The following OPCML variants were observed in gnomAD, a reference collection of about 807,000 sequenced individuals.
OPCML encodes the protein opioid binding protein/cell adhesion molecule like.
A neutral mutation model predicts 37.8 loss-of-function variants in OPCML; 13 were observed. The ratio of observed to expected loss-of-function variants is 0.34; its 90% CI spans 0.22 to 0.55. OPCML has a LOEUF of 0.55. Ranked by LOEUF, OPCML falls within the 20% of genes least tolerant of loss-of-function variation. The pLI is 0.91. For missense variants in OPCML, 341 were observed against 435.6 expected, an observed-to-expected ratio of 0.78 and a Z score of 1.93; for synonymous variants, 176 against 168.8, an observed-to-expected ratio of 1.04 and a Z score of -0.33.
chr11:133,189,671 T>A (rs1005930056), intron 1 of OPCML, among the ~76,000 whole-genome samples: 18 of 152,256 alleles, frequency 1.2e-4, no homozygotes, highest in Admixed American at 1.1e-3. Context: ...TATATGAAAC[T>A]CCCTCCTAAA....
At chr11:132,866,695 TACAG>T (rs1214563919) in intron 2 of OPCML, among the ~76,000 whole-genome samples, 3 of 152,230 alleles carry the variant, frequency 2.0e-5, no homozygotes, top group African/African-American at 4.8e-5. Flanking sequence ...TTTTCGAATA[TACAG>T]ACAATTTTCA....
chr11:132,685,237 G>A (rs1211440415), intron 2 of OPCML, among the ~76,000 whole-genome samples: 1 of 152,130 alleles, frequency 6.6e-6, no homozygotes, highest in Non-Finnish European at 1.5e-5. Context: ...TGTGGTCATT[G>A]GAATAGCTTT....
At chr11:133,031,192 T>G (rs7483004) in intron 1 of OPCML, among the ~76,000 whole-genome samples, 1 of 151,990 alleles carries the variant, frequency 6.6e-6, no homozygotes, top group Non-Finnish European at 1.5e-5. Flanking sequence ...CATAGGTGAA[T>G]GAATGGATGG....
intron 1 of OPCML, among the ~76,000 whole-genome samples, chr11:133,072,776 C>A (rs1948558349): frequency 6.6e-6 from 1 of 152,234 alleles, no homozygotes; most frequent in Non-Finnish European, 1.5e-5. Context: ...CACCACTGCA[C>A]ATCTCTCCAT....
At chr11:133,388,987 C>T (rs1440798596) in intron 1 of OPCML, among the ~76,000 whole-genome samples, 1 of 152,168 alleles carries the variant, frequency 6.6e-6, no homozygotes, top group Non-Finnish European at 1.5e-5. Flanking sequence ...GAAACTGAGG[C>T]ACACAGGTTA....
intron 4 of OPCML, among the ~76,000 whole-genome samples, chr11:132,516,595 T>C (rs1183105021): frequency 6.6e-6 from 1 of 152,142 alleles, no homozygotes; most frequent in Non-Finnish European, 1.5e-5. Flanking sequence ...CAAGGGATAC[T>C]TTCTGGCCAG....
chr11:132,473,118 C>T (rs1030359954), intron 4 of OPCML, among the ~76,000 whole-genome samples: 1 of 152,216 alleles, frequency 6.6e-6, no homozygotes, highest in African/African-American at 2.4e-5. Context: ...TCAGTCAACT[C>T]TTCCATTAAG....
At chr11:132,552,334 G>T (rs542969850) in intron 3 of OPCML, among the ~76,000 whole-genome samples, 1 of 152,130 alleles carries the variant, frequency 6.6e-6, no homozygotes, top group Non-Finnish European at 1.5e-5. Context: ...CTTTGCCACC[G>T]GAGAAGGAAA....
intron 1 of OPCML, among the ~76,000 whole-genome samples, chr11:132,977,887 A>T (rs1006113186): frequency 6.6e-6 from 1 of 152,172 alleles, no homozygotes; most frequent in Non-Finnish European, 1.5e-5. Context: ...TTATGATCTC[A>T]TTGGAGAGAT....
chr11:132,563,944 C>T (rs2096416393), intron 3 of OPCML, among the ~76,000 whole-genome samples: 2 of 152,130 alleles, frequency 1.3e-5, no homozygotes, highest in Admixed American at 1.3e-4. Flanking sequence ...TCCAGATAGC[C>T]ATGCCCTGGA....
intron 1 of OPCML, among the ~76,000 whole-genome samples, chr11:133,493,913 A>T (rs1484046131): frequency 6.6e-6 from 1 of 152,070 alleles, no homozygotes; most frequent in African/African-American, 2.4e-5. Context: ...CTACCATCAG[A>T]GTGAACAGGC....
chr11:133,073,625 G>A (rs1008886457), intron 1 of OPCML, among the ~76,000 whole-genome samples: 9 of 152,194 alleles, frequency 5.9e-5, no homozygotes, highest in Admixed American at 1.3e-4. Context: ...AGTTCTCCAC[G>A]TGCAGACCTG....
intron 1 of OPCML, among the ~76,000 whole-genome samples, chr11:133,502,826 A>G (rs1947945488): frequency 6.6e-6 from 1 of 152,142 alleles, no homozygotes; most frequent in Non-Finnish European, 1.5e-5. Flanking sequence ...TGGTAATGGC[A>G]ACACTTGAGC....
rs1463148877 is a variant in OPCML, at chr11:132,657,232, G to T, written c.234C>A (p.Asp78Glu). The T allele has an allele frequency of 1.2e-6, 2 of 1,614,248 alleles. No individual in the cohort carries two copies. Among genetic ancestry groups the T allele is most frequent in the Non-Finnish European group, 1.7e-6 (2 of 1,180,046 alleles). The change falls in exon 3 of 8, where the codon GAC becomes GAA. Residue 78 changes from aspartate to glutamate, a missense_variant. Coordinates refer to ENST00000524381, the MANE Select transcript of OPCML (RefSeq NM_001012393.5). ...LYAGNDKWSI[D>E]PRVIILVNTP... The stretch of plus-strand genomic sequence containing the variant: ...TATTGACCAGGATGATCACACGAGG[G>T]TCTATGGACCACTTGTCATTCCCAG...
intron 1 of OPCML, among the ~76,000 whole-genome samples, chr11:133,011,988 T>G (rs753632832): frequency 6.6e-6 from 1 of 152,206 alleles, no homozygotes; most frequent in Non-Finnish European, 1.5e-5. Context: ...TATAGTCTTA[T>G]TTACAAAACA....
At chr11:133,268,071 T>C (rs948651187) in intron 1 of OPCML, among the ~76,000 whole-genome samples, 1 of 152,212 alleles carries the variant, frequency 6.6e-6, no homozygotes, top group African/African-American at 2.4e-5. Context: ...GATGTAACAA[T>C]GGCCCTGACT....
intron 2 of OPCML, among the ~76,000 whole-genome samples, chr11:132,745,623 T>G (rs1336685995): frequency 6.8e-6 from 1 of 148,032 alleles, no homozygotes; most frequent in African/African-American, 2.5e-5. Context: ...AGGACAATGG[T>G]CTTAAGCTTT....
intron 2 of OPCML, among the ~76,000 whole-genome samples, chr11:132,733,856 T>C (rs543728098): frequency 6.6e-6 from 1 of 152,078 alleles, no homozygotes; most frequent in Non-Finnish European, 1.5e-5. Context: ...ATCTCTAAAG[T>C]TGAAGGCAGG....
chr11:133,280,739 A>G (rs532352967), intron 1 of OPCML, among the ~76,000 whole-genome samples: 2 of 152,362 alleles, frequency 1.3e-5, no homozygotes, highest in South Asian at 4.1e-4. Flanking sequence ...CTGGTTGCAT[A>G]AAAACAATGA....
Sources: allele counts gnomAD v4.1 joint callset (sites outside exome capture counted in the v4.1 genomes callset), GRCh38; gene constraint gnomAD v4.1.1; transcripts MANE v1.5; gene names NCBI Gene and HGNC (gene_info 2026-07-23, HGNC 2026-07-21).